Variants in ESRRG observed in about 807,000 individuals in gnomAD.
The protein encoded by ESRRG is estrogen-related receptor gamma.
In ESRRG, 13 loss-of-function variants were observed where a neutral mutation model predicts 44.0. The observed-to-expected ratio is 0.30, with a 90% confidence interval of 0.19 to 0.47. The LOEUF is 0.47. Among genes scored for constraint, ESRRG ranks in the 20% least tolerant of loss-of-function variants. The probability of loss-of-function intolerance (pLI) is 1.00; values close to 1 mark genes in which losing one functional copy is unlikely to be tolerated. For synonymous variants in ESRRG, 215 were observed against 214.6 expected (o/e 1.00, Z -0.02); for missense variants, 395 against 580.6 (o/e 0.68, Z 3.29).
At chr1:216,944,753 T>C (rs190870140) in intron 1 of ESRRG, among the ~76,000 whole-genome samples, 147 of 152,292 alleles carry the variant, frequency 9.7e-4, no homozygotes, top group Admixed American at 8.6e-3. Flanking sequence ...AAAGTGGTAA[T>C]GGCTTTTCCA....
intron 1 of ESRRG, among the ~76,000 whole-genome samples, chr1:217,019,364 G>T (rs570506064): frequency 2.6e-4 from 39 of 152,272 alleles, no homozygotes; most frequent in African/African-American, 9.4e-4. Context: ...TTTTCATAAA[G>T]GCATGACTTT....
intron 2 of ESRRG, among the ~76,000 whole-genome samples, chr1:216,905,703 T>G (rs1045417948): frequency 1.4e-4 from 21 of 152,260 alleles, no homozygotes; most frequent in African/African-American, 4.3e-4. Context: ...AAAGGAAAAT[T>G]AATTACAAAA....
chr1:217,101,300 A>C (rs2092508788), intron 1 of ESRRG, among the ~76,000 whole-genome samples: 1 of 152,230 alleles, frequency 6.6e-6, no homozygotes, highest in South Asian at 2.1e-4. Flanking sequence ...CCCATCTGTG[A>C]AATGTAGCTA....
chr1:216,520,071 G>A (rs2148927644), intron 5 of ESRRG, among the ~76,000 whole-genome samples: 1 of 152,082 alleles, frequency 6.6e-6, no homozygotes, highest in South Asian at 2.1e-4. Context: ...TAGCAGCCTG[G>A]CCTCCCCACC....
At chr1:216,629,717 T>C (rs1474302380) in intron 3 of ESRRG, among the ~76,000 whole-genome samples, 1 of 151,388 alleles carries the variant, frequency 6.6e-6, no homozygotes, top group African/African-American at 2.4e-5. Context: ...TTAGAAACAG[T>C]TATGCAAAAC....
intron 3 of ESRRG, among the ~76,000 whole-genome samples, chr1:216,613,986 G>A (rs959669970): frequency 1.3e-5 from 2 of 152,052 alleles, no homozygotes; most frequent in South Asian, 2.1e-4. Context: ...TGGTGTCTTC[G>A]TAGGGCCACA....
intron 2 of ESRRG, among the ~76,000 whole-genome samples, chr1:216,858,597 G>A (rs1175814094): frequency 6.6e-6 from 1 of 152,166 alleles, no homozygotes; most frequent in African/African-American, 2.4e-5. Flanking sequence ...TGGTAAAGGG[G>A]CCAGGTACTA....
chr1:216,830,387 C>T (rs1456935856), intron 2 of ESRRG, among the ~76,000 whole-genome samples: 3 of 152,152 alleles, frequency 2.0e-5, no homozygotes, highest in Non-Finnish European at 4.4e-5. Context: ...ATAATTTATG[C>T]CCAAGGCACA....
intron 1 of ESRRG, among the ~76,000 whole-genome samples, chr1:216,953,559 C>T (rs1429986541): frequency 2.0e-5 from 3 of 151,986 alleles, no homozygotes; most frequent in African/African-American, 7.2e-5. Flanking sequence ...TTCCCTATCC[C>T]CGATACCTTC....
At position 216,677,257 on chromosome 1, in the gene ESRRG, G is replaced by A. The variant is rs771503969; in HGVS notation, c.291C>T (p.Val97=). 2.5e-6 allele frequency: 4 copies of A among 1,614,010 alleles called. No individual in the cohort carries two copies. The highest frequency in any genetic ancestry group is 3.4e-6 in the Non-Finnish European group (4 of 1,180,028). Reference sequence around the variant, plus strand: ...TGGAGCAGTCATCATACAGTTTCCTGACAGGCCCACTACCTCCCAGGATAG... The same window carrying A: ...TGGAGCAGTCATCATACAGTTTCCTAACAGGCCCACTACCTCCCAGGATAG... ...SAPILGGSGP[V]RKLYDDCSST... The change falls in exon 2 of 7, where the codon GTC becomes GTT. Residue 97 remains valine (V), a synonymous_variant. Coordinates refer to ENST00000408911, the MANE Select transcript of ESRRG (RefSeq NM_001438.4).
intron 1 of ESRRG, among the ~76,000 whole-genome samples, chr1:216,942,846 T>C (rs534531643): frequency 1.1e-4 from 16 of 152,286 alleles, no homozygotes; most frequent in Admixed American, 3.3e-4. Flanking sequence ...ACAAATATTT[T>C]CTCCCATTCT....
chr1:216,927,758 G>T (rs533280478), intron 2 of ESRRG, among the ~76,000 whole-genome samples: 1 of 152,290 alleles, frequency 6.6e-6, no homozygotes, highest in Admixed American at 6.5e-5. Context: ...TGGCACCGCG[G>T]GACGGGGCTC....
chr1:216,548,232 T>C (rs1299752250), intron 5 of ESRRG, among the ~76,000 whole-genome samples: 1 of 152,088 alleles, frequency 6.6e-6, no homozygotes, highest in East Asian at 1.9e-4. Context: ...CTGTATGGCA[T>C]GCAAGGTGAA....
At chr1:216,969,074 G>A (rs2150264739) in intron 1 of ESRRG, among the ~76,000 whole-genome samples, 2 of 152,110 alleles carry the variant, frequency 1.3e-5, no homozygotes, top group South Asian at 4.2e-4. Flanking sequence ...TCTTACTTTG[G>A]GAAATCTTTC....
intron 1 of ESRRG, among the ~76,000 whole-genome samples, chr1:217,041,621 G>A (rs1197068655): frequency 6.6e-6 from 1 of 152,086 alleles, no homozygotes; most frequent in Admixed American, 6.5e-5. Flanking sequence ...ACCACAACAA[G>A]CCCAGTATAT....
At chr1:216,561,073 C>T (rs2058635257) in intron 5 of ESRRG, among the ~76,000 whole-genome samples, 1 of 152,014 alleles carries the variant, frequency 6.6e-6, no homozygotes. Context: ...GGTCATGTTT[C>T]ATAACAACAC....
At chr1:216,681,721 A>G (rs552662828) in intron 1 of ESRRG, among the ~76,000 whole-genome samples, 4 of 152,302 alleles carry the variant, frequency 2.6e-5, no homozygotes, top group Admixed American at 2.6e-4. Flanking sequence ...TATTTAAAGA[A>G]GTAATTTTTG....
intron 2 of ESRRG, among the ~76,000 whole-genome samples, chr1:216,754,806 A>G (rs2092342955): frequency 6.6e-6 from 1 of 150,712 alleles, no homozygotes; most frequent in Non-Finnish European, 1.5e-5. Context: ...TTTCTCAATG[A>G]TTTGTGGATT....
chr1:216,807,737 G>A (rs547763840), intron 2 of ESRRG, among the ~76,000 whole-genome samples: 101 of 151,906 alleles, frequency 6.6e-4, no homozygotes, highest in Non-Finnish European at 1.1e-3. Flanking sequence ...ATCATGAATT[G>A]TAATTATGGT....
Sources: gnomAD v4.1 joint callset for allele counts (sites outside exome capture counted in the v4.1 genomes callset) on GRCh38, gnomAD v4.1.1 for gene constraint, MANE v1.5 for transcripts, NCBI Gene and HGNC (gene_info 2026-07-23, HGNC 2026-07-21) for gene names.